The following DAPK1 variants were observed in gnomAD, a reference collection of about 807,000 sequenced individuals.
The protein encoded by DAPK1 is death-associated protein kinase 1.
Under a neutral mutation model 144.9 loss-of-function variants are expected in DAPK1, and 56 were observed. That is an observed-to-expected ratio of 0.39 (90% CI 0.31 to 0.48). The LOEUF is 0.48. DAPK1 is among the 20% of genes least tolerant of loss of function. The pLI, the probability that DAPK1 is intolerant of heterozygous loss-of-function variation, is 0.95. For missense variants in DAPK1, 1,454 were observed against 1,875.4 expected, an observed-to-expected ratio of 0.78 and a Z score of 4.15; for synonymous variants, 690 against 749.0, an observed-to-expected ratio of 0.92 and a Z score of 1.29.
chr9:87,655,388 C>A (rs1830597625), intron 17 of DAPK1, among the ~76,000 whole-genome samples: 1 of 151,910 alleles, frequency 6.6e-6, no homozygotes, highest in Non-Finnish European at 1.5e-5. Flanking sequence ...GTGATGGGGG[C>A]TTTAGAAGGG....
intron 7 of DAPK1, 105 bp downstream of exon 7, chr9:87,639,920 T>G: frequency 8.2e-7 from 1 of 1,218,068 alleles, no homozygotes; most frequent in Non-Finnish European, 1.2e-6. Context: ...TATGCATGCT[T>G]TTGATGCAAA....
intron 3 of DAPK1, among the ~76,000 whole-genome samples, chr9:87,637,249 A>G (rs1829931624): frequency 1.3e-5 from 2 of 152,004 alleles, no homozygotes; most frequent in South Asian, 4.1e-4. Flanking sequence ...ACACGTCACC[A>G]TGCCCAGTTG....
chr9:87,680,395 G>A (rs192133727), intron 19 of DAPK1, among the ~76,000 whole-genome samples: 103 of 152,278 alleles, frequency 6.8e-4, no homozygotes, highest in South Asian at 4.6e-3. Context: ...GTGAGCCACC[G>A]CACCCGATTT....
At chr9:87,700,752 C>G (rs1489434695) in intron 24 of DAPK1, among the ~76,000 whole-genome samples, 8 of 152,124 alleles carry the variant, frequency 5.3e-5, no homozygotes, top group Admixed American at 5.2e-4. Flanking sequence ...CCTCCCACCT[C>G]AGCCTCCCAA....
intron 21 of DAPK1, among the ~76,000 whole-genome samples, chr9:87,692,228 A>G (rs1217342641): frequency 7.8e-6 from 1 of 128,268 alleles, no homozygotes; most frequent in East Asian, 2.8e-4. Context: ...CTTTTGCATT[A>G]TATAATGACC....
chr9:87,670,171 C>T (rs1831207901), intron 19 of DAPK1, among the ~76,000 whole-genome samples: 1 of 152,070 alleles, frequency 6.6e-6, no homozygotes, highest in African/African-American at 2.4e-5. Context: ...TTTTCGTTTA[C>T]AGGCAAAACA....
chr9:87,570,999 CTGGACTGGAACACGAGCTTTTTGTT>C (rs1199723020), intron 2 of DAPK1, among the ~76,000 whole-genome samples: 61 of 152,152 alleles, frequency 4.0e-4, no homozygotes, highest in African/African-American at 1.4e-3. Context: ...TTTCAGTGAA[CTGGACTGGAACACGAGCTTTTTGTT>C]TGCTCTTGAA....
At chr9:87,618,896 A>G (rs187970560) in intron 3 of DAPK1, among the ~76,000 whole-genome samples, 57 of 152,312 alleles carry the variant, frequency 3.7e-4, no homozygotes, top group African/African-American at 1.3e-3. Context: ...AAAAGAGTGA[A>G]TTGTATGGTG....
chr9:87,622,072 T>A (rs1189837954), intron 3 of DAPK1, among the ~76,000 whole-genome samples: 1 of 151,578 alleles, frequency 6.6e-6, no homozygotes, highest in African/African-American at 2.4e-5. Context: ...TTTTTTTATT[T>A]CTCTGAGTTG....
chr9:87,648,459 TA>T (rs1255175226), intron 14 of DAPK1: 2 of 267,198 alleles, frequency 7.5e-6, no homozygotes, highest in African/African-American at 2.2e-5. Flanking sequence ...GTGTTGTGTT[TA>T]AAGAGAAAAT....
At chr9:87,613,308 A>G (rs1828992046) in intron 3 of DAPK1, among the ~76,000 whole-genome samples, 1 of 152,232 alleles carries the variant, frequency 6.6e-6, no homozygotes, top group Non-Finnish European at 1.5e-5. Flanking sequence ...ACAGATTTCT[A>G]GAACCTTTTC....
At chr9:87,539,546 C>CAGTCTCCCAAGT (rs1563982193) in intron 2 of DAPK1, among the ~76,000 whole-genome samples, 1 of 150,376 alleles carries the variant, frequency 6.6e-6, no homozygotes, top group Non-Finnish European at 1.5e-5. Flanking sequence ...TCTCCTGCCT[C>CAGTCTCCCAAGT]AGCTGGGATT....
chr9:87,681,307 G>T, intron 19 of DAPK1, 97 bp from the exon 20 acceptor site: 1 of 716,750 alleles, frequency 1.4e-6, no homozygotes. Flanking sequence ...CATATCTTCA[G>T]CATGGGTAAA....
At chr9:87,535,150 C>G (rs956428766) in intron 2 of DAPK1, among the ~76,000 whole-genome samples, 1 of 152,058 alleles carries the variant, frequency 6.6e-6, no homozygotes, top group Non-Finnish European at 1.5e-5. Context: ...TAGCCCCAGG[C>G]AAATCCTGCC....
At chr9:87,525,575 A>G (rs1017363762) in intron 2 of DAPK1, 3 of 845,534 alleles carry the variant, frequency 3.5e-6, no homozygotes, top group South Asian at 1.5e-5. Flanking sequence ...AACAACAAAA[A>G]ATGCGTTGAA....
At chr9:87,498,713 C>T (rs1280260379) in intron 1 of DAPK1, 1 of 423,134 alleles carries the variant, frequency 2.4e-6, no homozygotes, top group Non-Finnish European at 4.2e-6. Flanking sequence ...CGGTTCTGAT[C>T]CCAACAGACC....
At chr9:87,586,074 A>G (rs67958407) in intron 2 of DAPK1, among the ~76,000 whole-genome samples, 14,810 of 152,100 alleles carry the variant, frequency 0.097, 1,299 homozygotes, top group African/African-American at 0.23. Flanking sequence ...GATCACTTGA[A>G]CCCAGAAGTG....
intron 21 of DAPK1, among the ~76,000 whole-genome samples, chr9:87,691,580 G>A (rs1018960720): frequency 1.3e-5 from 2 of 151,660 alleles, no homozygotes; most frequent in African/African-American, 4.8e-5. Flanking sequence ...TGCATCATTC[G>A]ATTGTTTATT....
chr9:87,615,754 C>T (rs1734761746), intron 3 of DAPK1, among the ~76,000 whole-genome samples: 1 of 152,214 alleles, frequency 6.6e-6, no homozygotes, highest in Non-Finnish European at 1.5e-5. Context: ...TTAATCCTTG[C>T]GTGCAACTCT....
Sources: allele counts gnomAD v4.1 joint callset (sites outside exome capture counted in the v4.1 genomes callset), GRCh38; gene constraint gnomAD v4.1.1; transcripts MANE v1.5; gene names NCBI Gene and HGNC (gene_info 2026-07-23, HGNC 2026-07-21).